Variants in NHSL2 observed in about 807,000 individuals in gnomAD.
NHSL2 encodes NHS-like protein 2.
A neutral mutation model predicts 53.4 loss-of-function variants in NHSL2; 27 were observed. The observed-to-expected ratio is 0.51, with a 90% CI of 0.37 to 0.70. The LOEUF (loss-of-function observed/expected upper bound fraction) is 0.70. Among genes scored for constraint, NHSL2 ranks in the 30% least tolerant of loss-of-function variants. The pLI is 0.00. For missense variants in NHSL2, 892 were observed against 980.1 expected (o/e 0.91, Z 1.20); for synonymous variants, 408 against 404.1 (o/e 1.01, Z -0.12).
Position 72,139,077 on chromosome X carries a change from T to C in NHSL2, c.1529T>C (p.Val510Ala). 8.6e-7 allele frequency: 1 copy of C among 1,169,565 alleles called. No homozygotes were observed. Among genetic ancestry groups the C allele is most frequent in the Non-Finnish European group, 1.1e-6 (1 of 873,937 alleles). ...CCCACAGACTCAGGCACCACAGATG[T>C]GGACTATGATGAGGAGCAGAAGGCC... ...SVPTDSGTTD[V>A]DYDEEQKANE... Residue 510 changes from valine (V) to alanine (A), a missense_variant, in exon 6 of 8, where the codon GTG (valine) becomes GCG (alanine). Coordinates refer to ENST00000633930, the MANE Select transcript of NHSL2 (RefSeq NM_001013627.3).
In NHSL2 at chrX:72,089,896, T is replaced by TA. The variant is rs2041881977; in HGVS notation, c.281-42177dup. 2.7e-5 allele frequency among the ~76,000 whole-genome samples: 3 copies of TA among 111,798 alleles called. No individual in the cohort carries two copies. The South Asian group carries it at 1.1e-3, about 41-fold the overall frequency. On this transcript the variant is annotated intron_variant, in intron 1 of 7. Transcript: ENST00000633930. ...AAAGTGAATCAACAAGTATTTAGGG[T>TA]AAAAAATGAAAGTCTGCCTTTAACT...
intron 1 of NHSL2, among the ~76,000 whole-genome samples, chrX:71,964,000 C>CATATATATATAT (rs1491526328): frequency 6.4e-5 from 2 of 31,441 alleles, no homozygotes; most frequent in Non-Finnish European, 1.1e-4. Flanking sequence ...TATGTATATA[C>CATATATATATAT]ATATATATAT....
chrX:72,048,136 A>G (rs1209103689), intron 1 of NHSL2, among the ~76,000 whole-genome samples: 2 of 110,162 alleles, frequency 1.8e-5, no homozygotes, highest in Non-Finnish European at 1.9e-5. Context: ...AGTGCCTACT[A>G]TATGGCAGGC....
chrX:71,941,501 C>T (rs183957530), intron 1 of NHSL2, among the ~76,000 whole-genome samples: 2 of 111,585 alleles, frequency 1.8e-5, no homozygotes, highest in East Asian at 5.7e-4. Context: ...ATTGTGTAAC[C>T]TTGGGAGATT....
chrX:71,995,087 A>G (rs2042044295), intron 1 of NHSL2, among the ~76,000 whole-genome samples: 1 of 112,052 alleles, frequency 8.9e-6, no homozygotes, highest in Non-Finnish European at 1.9e-5. Flanking sequence ...CTCAAGACCC[A>G]AACCTCAAGG....
chrX:71,963,976 T>TATATATATATGTGTATATATATATAC (rs2041882264), intron 1 of NHSL2, among the ~76,000 whole-genome samples: 1 of 5,085 alleles, frequency 2.0e-4, no homozygotes, highest in Non-Finnish European at 9.1e-4. Flanking sequence ...TATATATACA[T>TATATATATATGTGTATATATATATAC]ATATATATAT....
At position 72,137,627 on chromosome X, in the gene NHSL2, C is replaced by T. The variant is rs1413022307; in HGVS notation, c.892+402C>T. Among the ~76,000 whole-genome samples, 18 of 111,477 alleles carry T rather than the reference C, an allele frequency of 1.6e-4. No homozygotes were observed. In the Admixed American group the frequency reaches 1.7e-3, roughly 11 times the overall value. On this transcript the variant is annotated intron_variant, in intron 5 of 7. Coordinates refer to ENST00000633930, the MANE Select transcript of NHSL2 (RefSeq NM_001013627.3). The stretch of plus-strand genomic sequence containing the variant: ...CAGAGGGTAAGAGCCCTGGTCTTTC[C>T]GCTTACTAACCAGGAGACCTTGGCC...
chrX:72,049,144 A>G (rs1161023523), intron 1 of NHSL2, among the ~76,000 whole-genome samples: 1 of 111,120 alleles, frequency 9.0e-6, no homozygotes, highest in Admixed American at 9.5e-5. Context: ...GCTTCTTGCC[A>G]GGGAAGGCCC....
At chrX:72,134,782 G>A (rs1010497980) in intron 4 of NHSL2, 78 bp downstream of exon 4, 9 of 746,291 alleles carry the variant, frequency 1.2e-5, no homozygotes, top group Admixed American at 2.9e-5. Context: ...ACTGGGTATT[G>A]GGGGAGGGAA....
chrX:72,071,279 T>C (rs1169452199), intron 1 of NHSL2, among the ~76,000 whole-genome samples: 1 of 111,923 alleles, frequency 8.9e-6, no homozygotes, highest in East Asian at 2.8e-4. Flanking sequence ...CACCATTAGG[T>C]GAATGGCCCA....
intron 1 of NHSL2, among the ~76,000 whole-genome samples, chrX:72,055,880 T>G (rs1046327480): frequency 8.9e-6 from 1 of 112,808 alleles, no homozygotes; most frequent in African/African-American, 3.2e-5. Context: ...TTTAGTCCTA[T>G]CACCTAGCAT....
At chrX:71,994,484 G>A (rs2042041291) in intron 1 of NHSL2, among the ~76,000 whole-genome samples, 1 of 110,876 alleles carries the variant, frequency 9.0e-6, no homozygotes, top group Non-Finnish European at 1.9e-5. Flanking sequence ...CCAATGGCAT[G>A]TTCACGCCCC....
At chrX:71,950,017 C>T (rs1189453285) in intron 1 of NHSL2, among the ~76,000 whole-genome samples, 1 of 113,469 alleles carries the variant, frequency 8.8e-6, no homozygotes, top group African/African-American at 3.2e-5. Flanking sequence ...AGCGCCAGAC[C>T]CATCCGCTGG....
At chrX:72,032,329 G>C (rs192100986) in intron 1 of NHSL2, among the ~76,000 whole-genome samples, 453 of 111,202 alleles carry the variant, frequency 4.1e-3, no homozygotes, top group Middle Eastern at 9.3e-3. Flanking sequence ...GGGAGGCGGA[G>C]GTTGCAGTGA....
intron 1 of NHSL2, chrX:72,080,064 C>G (rs2041776980): frequency 8.9e-6 from 1 of 112,171 alleles, no homozygotes. Context: ...TCGATGGGAC[C>G]AAGGTGCTGG....
At chrX:71,922,761 T>C (rs2041666259) in intron 1 of NHSL2, among the ~76,000 whole-genome samples, 1 of 112,285 alleles carries the variant, frequency 8.9e-6, no homozygotes, top group African/African-American at 3.2e-5. Context: ...AAGAAAAGAT[T>C]AAATACTGAA....
At position 72,149,563 on chromosome X, in the gene NHSL2, C is replaced by G. The variant is rs887995809; in HGVS notation, c.*5989C>G. 1 of 112,325 alleles carries G rather than the reference C, an allele frequency of 8.9e-6. No individual in the cohort carries two copies. The highest frequency in any genetic ancestry group is 1.9e-5 in the Non-Finnish European group (1 of 53,302). The allele number at this position is 112,325 out of a possible 1,213,427, so 9.3% of individuals were successfully genotyped here. ...TGCTCATTGTACAAGTCACCTCAAA[C>G]TCATTCCTTCCCCCATGTGTATCAT... is the stretch of plus-strand genomic sequence containing the variant. On this transcript the variant is annotated 3_prime_UTR_variant, in exon 8 of 8. Transcript: ENST00000633930.
At chrX:72,130,701 C>A in intron 1 of NHSL2, 1 of 1,211,986 alleles carries the variant, frequency 8.3e-7, no homozygotes, top group Non-Finnish European at 1.1e-6. Flanking sequence ...AGAATTCCGA[C>A]AGGCCTTTGA....
intron 1 of NHSL2, among the ~76,000 whole-genome samples, chrX:71,960,219 T>C (rs1200355553): frequency 8.9e-6 from 1 of 112,502 alleles, no homozygotes; most frequent in Non-Finnish European, 1.9e-5. Context: ...GATTTGTCTT[T>C]TTATTGTTGA....
Sources: allele counts gnomAD v4.1 joint callset (sites outside exome capture counted in the v4.1 genomes callset), GRCh38; gene constraint gnomAD v4.1.1; transcripts MANE v1.5; gene names NCBI Gene and HGNC (gene_info 2026-07-23, HGNC 2026-07-21).